ZNF804A: variants seen among roughly 807,000 people sequenced by gnomAD.
The protein encoded by ZNF804A is zinc finger protein 804A.
In ZNF804A, 2 loss-of-function variants were observed where a neutral mutation model predicts 16.5. That is an observed-to-expected ratio of 0.12 (90% CI 0.05 to 0.38). ZNF804A has a LOEUF of 0.38. ZNF804A is among the 10% of genes least tolerant of loss of function. The probability of loss-of-function intolerance (pLI) is 0.99; values close to 1 mark genes in which losing one functional copy is unlikely to be tolerated. For synonymous variants in ZNF804A, 534 were observed against 489.6 expected (o/e 1.09, Z -1.20); for missense variants, 1,473 against 1,390.7 (o/e 1.06, Z -0.94).
At chr2:184,869,469 A>G (rs1262730181) in intron 2 of ZNF804A, among the ~76,000 whole-genome samples, 2 of 152,076 alleles carry the variant, frequency 1.3e-5, no homozygotes, top group Non-Finnish European at 2.9e-5. Context: ...CTTACCAGCC[A>G]TATGACTTTG....
At chr2:184,818,642 T>G (rs1482728454) in intron 1 of ZNF804A, among the ~76,000 whole-genome samples, 1 of 151,944 alleles carries the variant, frequency 6.6e-6, no homozygotes, top group Admixed American at 6.6e-5. Context: ...CCCATTGATA[T>G]GCTGTCCTCA....
chr2:184,708,906 T>C (rs757727428), intron 1 of ZNF804A, among the ~76,000 whole-genome samples: 19 of 152,070 alleles, frequency 1.2e-4, no homozygotes, highest in Non-Finnish European at 2.6e-4. Context: ...TCAATCTTCT[T>C]ACTACTGTAG....
intron 1 of ZNF804A, among the ~76,000 whole-genome samples, chr2:184,761,888 C>T (rs187512731): frequency 1.3e-5 from 2 of 152,140 alleles, no homozygotes; most frequent in Admixed American, 1.3e-4. Context: ...ACCTCAGGTC[C>T]CTGATGAGCT....
chr2:184,813,568 A>C (rs1293996291), intron 1 of ZNF804A, among the ~76,000 whole-genome samples: 1 of 152,102 alleles, frequency 6.6e-6, no homozygotes, highest in African/African-American at 2.4e-5. Context: ...GCAGAATATA[A>C]GGGCAAGGCA....
chr2:184,759,817 C>A (rs1694015537), intron 1 of ZNF804A, among the ~76,000 whole-genome samples: 1 of 151,982 alleles, frequency 6.6e-6, no homozygotes, highest in South Asian at 2.1e-4. Context: ...CACTGAGCAC[C>A]CCACTCCTGC....
intron 1 of ZNF804A, among the ~76,000 whole-genome samples, chr2:184,827,887 C>A (rs1181736732): frequency 1.3e-5 from 2 of 151,584 alleles, no homozygotes; most frequent in Non-Finnish European, 1.5e-5. Flanking sequence ...TTCCAAATAT[C>A]TTTAAAAAAT....
intron 1 of ZNF804A, among the ~76,000 whole-genome samples, chr2:184,823,473 T>C (rs1267163904): frequency 6.6e-6 from 1 of 152,142 alleles, no homozygotes; most frequent in Non-Finnish European, 1.5e-5. Context: ...CTGATAGTAG[T>C]ATTCCCAGTT....
rs140265657 is a variant in ZNF804A, at chr2:184,770,520, T to C, written c.112-95849T>C. On this transcript the variant is annotated intron_variant, in intron 1 of 3. Transcript: ENST00000302277. Reference sequence around the variant, plus strand: ...CTGACTACCTATGTGAGTAGTTTACTCATTTAGCAAACATTTATGTTCTTT... The same window carrying C: ...CTGACTACCTATGTGAGTAGTTTACCCATTTAGCAAACATTTATGTTCTTT... Among the ~76,000 whole-genome samples, 451 of 140,218 alleles carry C rather than the reference T, an allele frequency of 3.2e-3. 16 individuals carry two copies. The highest frequency in any genetic ancestry group is 0.016 in the East Asian group (82 of 5,156). 92.0% of individuals were successfully genotyped at this position (140,218 alleles called of 152,430 possible).
intron 1 of ZNF804A, among the ~76,000 whole-genome samples, chr2:184,661,303 G>C (rs1012570838): frequency 6.6e-6 from 1 of 152,158 alleles, no homozygotes; most frequent in African/African-American, 2.4e-5. Context: ...AGTAGGAAGG[G>C]AGGGTTACAG....
chr2:184,858,558 T>C (rs1695742125), intron 1 of ZNF804A, among the ~76,000 whole-genome samples: 1 of 151,898 alleles, frequency 6.6e-6, no homozygotes, highest in East Asian at 1.9e-4. Flanking sequence ...TAAGAAACTC[T>C]ACATTTTCAT....
At chr2:184,694,152 T>C (rs1402937790) in intron 1 of ZNF804A, among the ~76,000 whole-genome samples, 1 of 151,908 alleles carries the variant, frequency 6.6e-6, no homozygotes, top group Non-Finnish European at 1.5e-5. Context: ...TTTTACCATG[T>C]TGGTCAGGCT....
At position 184,938,329 on chromosome 2, in the gene ZNF804A, C is replaced by T; in HGVS notation, c.2933C>T (p.Ala978Val). Reference protein sequence around the residue: ...SYLCHYELAEALPQGKMNETP... With the variant: ...SYLCHYELAEVLPQGKMNETP... Reference sequence around the variant, plus strand: ...CTTTGCCATTATGAACTGGCTGAGGCCCTTCCACAAGGAAAGATGAATGAG... The same window carrying T: ...CTTTGCCATTATGAACTGGCTGAGGTCCTTCCACAAGGAAAGATGAATGAG... The change falls in exon 4 of 4, where the codon GCC (alanine) becomes GTC (valine). Residue 978 changes from alanine (A) to valine (V), a missense_variant. Transcript: ENST00000302277. 6.2e-7 allele frequency: 1 copy of T among 1,614,138 alleles called. No individual in the cohort carries two copies. Among genetic ancestry groups the T allele is most frequent in the Non-Finnish European group, 8.5e-7 (1 of 1,180,014 alleles).
chr2:184,890,618 C>CTATT (rs1279544671), intron 2 of ZNF804A, among the ~76,000 whole-genome samples: 3 of 151,854 alleles, frequency 2.0e-5, no homozygotes, highest in Non-Finnish European at 2.9e-5. Flanking sequence ...TATTTATTTT[C>CTATT]TATTTTGTAA....
intron 1 of ZNF804A, among the ~76,000 whole-genome samples, chr2:184,850,815 T>C (rs373763102): frequency 6.6e-6 from 1 of 151,980 alleles, no homozygotes; most frequent in East Asian, 1.9e-4. Flanking sequence ...AATCTATTTA[T>C]ATCTTTGCAA....
chr2:184,901,903 T>G (rs1685187530), intron 2 of ZNF804A, among the ~76,000 whole-genome samples: 1 of 151,948 alleles, frequency 6.6e-6, no homozygotes, highest in East Asian at 1.9e-4. Flanking sequence ...ATATATAATA[T>G]CACATGACGC....
chr2:184,882,265 A>G (rs986437178), intron 2 of ZNF804A, among the ~76,000 whole-genome samples: 2 of 152,134 alleles, frequency 1.3e-5, no homozygotes, highest in African/African-American at 4.8e-5. Flanking sequence ...TATGCTAAAT[A>G]TGTCCACATG....
At chr2:184,680,093 C>T (rs1328422648) in intron 1 of ZNF804A, among the ~76,000 whole-genome samples, 2 of 152,212 alleles carry the variant, frequency 1.3e-5, no homozygotes, top group African/African-American at 2.4e-5. Flanking sequence ...GAAGACCTGC[C>T]TTTGGAGAGG....
rs1685796401 is a variant in ZNF804A at position 184,936,817 on chromosome 2, A to G, written c.1421A>G (p.Asp474Gly). 6.2e-7 allele frequency: 1 copy of G among 1,613,140 alleles called. No individual in the cohort carries two copies. Among genetic ancestry groups the G allele is most frequent in the Non-Finnish European group, 8.5e-7 (1 of 1,179,672 alleles). ...TCTACTAAAGTAAATAATAATCTAGATAAAAATAAGCCAGACTTAAAAGAT... is the reference window on the plus strand; with the variant it reads ...TCTACTAAAGTAAATAATAATCTAGGTAAAAATAAGCCAGACTTAAAAGAT... ...FKSTKVNNNL[D>G]KNKPDLKDLC... Residue 474 changes from aspartate (D) to glycine (G), a missense_variant, in exon 4 of 4, where the codon GAT becomes GGT. Coordinates refer to ENST00000302277, the MANE Select transcript of ZNF804A (RefSeq NM_194250.2).
chr2:184,647,880 C>T (rs1426912573), intron 1 of ZNF804A, among the ~76,000 whole-genome samples: 3 of 152,094 alleles, frequency 2.0e-5, no homozygotes, highest in East Asian at 1.9e-4. Context: ...AGGAGAAATT[C>T]AGGAACACTT....
Sources: gnomAD v4.1 joint callset for allele counts (sites outside exome capture counted in the v4.1 genomes callset) on GRCh38, gnomAD v4.1.1 for gene constraint, MANE v1.5 for transcripts, NCBI Gene and HGNC (gene_info 2026-07-23, HGNC 2026-07-21) for gene names.